SDK1: variants seen among roughly 807,000 people sequenced by gnomAD.
SDK1 encodes the protein sidekick cell adhesion molecule 1.
SDK1 carries 157 observed loss-of-function variants against 245.5 expected under a neutral mutation model. That is an observed-to-expected ratio of 0.64 (90% CI 0.56 to 0.73). The LOEUF is 0.73. Among genes scored for constraint, SDK1 ranks in the 30% least tolerant of loss-of-function variants. The pLI is 0.00. For missense variants in SDK1, 3,583 were observed against 3,002.3 expected (o/e 1.19, Z -4.52); for synonymous variants, 1,647 against 1,278.5 (o/e 1.29, Z -6.15).
chr7:3,670,225 CATTAGTAT>C (rs1179519021), intron 4 of SDK1, among the ~76,000 whole-genome samples: 2 of 152,128 alleles, frequency 1.3e-5, no homozygotes, highest in African/African-American at 4.8e-5. Flanking sequence ...CCTTCAAATC[CATTAGTAT>C]ATTAGTCTGA....
chr7:3,396,194 A>G (rs1372040556), intron 1 of SDK1, among the ~76,000 whole-genome samples: 1 of 151,792 alleles, frequency 6.6e-6, no homozygotes, highest in Non-Finnish European at 1.5e-5. Flanking sequence ...TCCCCCTTGT[A>G]ATTTTAAAAA....
At chr7:4,142,214 T>C (rs1779624762) in intron 28 of SDK1, among the ~76,000 whole-genome samples, 1 of 152,218 alleles carries the variant, frequency 6.6e-6, no homozygotes, top group African/African-American at 2.4e-5. Context: ...TTTTGCTGCC[T>C]TAGCGAAAGA....
chr7:3,403,859 ATATATAT>A (rs1778972871), intron 1 of SDK1, among the ~76,000 whole-genome samples: 2 of 104,136 alleles, frequency 1.9e-5, no homozygotes, highest in Non-Finnish European at 3.7e-5. Flanking sequence ...ATATATATAT[ATATATAT>A]ATAATATATA....
chr7:4,034,483 T>C (rs1469541188), intron 17 of SDK1, among the ~76,000 whole-genome samples: 1 of 152,216 alleles, frequency 6.6e-6, no homozygotes, highest in Non-Finnish European at 1.5e-5. Context: ...CAGTTTTTAA[T>C]GTCTTTATAC....
chr7:3,527,348 C>T (rs535079361), intron 1 of SDK1, among the ~76,000 whole-genome samples: 17 of 152,146 alleles, frequency 1.1e-4, no homozygotes, highest in African/African-American at 3.1e-4. Flanking sequence ...GAACACGAAG[C>T]GCGATGTGAA....
chr7:4,100,368 C>T (rs1018618795), intron 22 of SDK1, among the ~76,000 whole-genome samples: 4 of 152,126 alleles, frequency 2.6e-5, no homozygotes, highest in Admixed American at 6.5e-5. Flanking sequence ...AGCGGGAAGG[C>T]TGTTTCGGGG....
Position 4,051,718 on chromosome 7 carries a change from A to G in SDK1, c.2799A>G (p.Gly933=), listed in dbSNP as rs1562732239. The G allele has an allele frequency of 6.2e-7, 1 of 1,613,964 alleles. No homozygotes were observed. The highest frequency in any genetic ancestry group is 1.7e-4 in the Middle Eastern group (1 of 6,060). The change falls in exon 19 of 45, where the codon GGA becomes GGG. Residue 933 remains glycine (G), a synonymous_variant. Transcript: ENST00000404826. ...CAGATTTCCACGGAGTCCACCATGG[A>G]CACATAACGAACCTGAAGAAGTTTA... The part of the protein sequence containing the change: ...IAPDFHGVHH[G]HITNLKKFTA...
chr7:4,227,058 A>G (rs1189020032), intron 40 of SDK1: 1 of 221,028 alleles, frequency 4.5e-6, no homozygotes, highest in Non-Finnish European at 9.0e-6. Flanking sequence ...GTCCACTCGT[A>G]GTCCCCTGGG....
chr7:4,174,240 C>G lies in SDK1; in HGVS notation c.4819C>G (p.Leu1607Val), dbSNP rs757095801. 27 of 1,613,992 alleles carry G rather than the reference C, an allele frequency of 1.7e-5. No individual in the cohort carries two copies. In the Admixed American group the frequency reaches 2.0e-4, roughly 12 times the overall value. ...TTTGCAGCCTCCGAGGGACGAAAGC[C>G]TGAATGGCCTTCTTCAGGGATACAG... ...IQWQPPRDES[L>V]NGLLQGYRIY... Residue 1607 changes from leucine to valine, a missense_variant, in exon 33 of 45, where the codon CTG (leucine) becomes GTG (valine). Coordinates refer to ENST00000404826, the MANE Select transcript of SDK1 (RefSeq NM_152744.4).
intron 1 of SDK1, among the ~76,000 whole-genome samples, chr7:3,598,783 G>A (rs1407008509): frequency 6.6e-6 from 1 of 152,170 alleles, no homozygotes; most frequent in African/African-American, 2.4e-5. Context: ...GTTACTGCAG[G>A]TATCAATAGT....
At chr7:3,503,898 T>C (rs990889237) in intron 1 of SDK1, among the ~76,000 whole-genome samples, 6 of 152,062 alleles carry the variant, frequency 3.9e-5, no homozygotes, top group African/African-American at 1.4e-4. Context: ...ATGCCCGTAA[T>C]CCTAGCACTT....
chr7:3,336,074 A>T (rs1156687121), intron 1 of SDK1, among the ~76,000 whole-genome samples: 1 of 151,974 alleles, frequency 6.6e-6, no homozygotes, highest in Admixed American at 6.6e-5. Context: ...AGACAGCAAA[A>T]CTCTGAGAAG....
chr7:3,908,278 T>C (rs1779030987), intron 5 of SDK1, among the ~76,000 whole-genome samples: 2 of 152,274 alleles, frequency 1.3e-5, no homozygotes, highest in African/African-American at 4.8e-5. Context: ...AGTTCTGTCA[T>C]GGGATGGAAA....
intron 4 of SDK1, among the ~76,000 whole-genome samples, chr7:3,796,413 C>G (rs917101693): frequency 6.6e-6 from 1 of 152,202 alleles, no homozygotes; most frequent in Admixed American, 6.5e-5. Flanking sequence ...GAAGCTGTTT[C>G]GCTGTTGCTT....
intron 4 of SDK1, among the ~76,000 whole-genome samples, chr7:3,769,978 C>T (rs1340318068): frequency 6.7e-6 from 1 of 149,338 alleles, no homozygotes; most frequent in Admixed American, 6.7e-5. Context: ...GTATTTACGG[C>T]TATGTAATTT....
chr7:3,613,081 A>C (rs935627495), intron 1 of SDK1, among the ~76,000 whole-genome samples: 7 of 152,238 alleles, frequency 4.6e-5, no homozygotes, highest in African/African-American at 1.2e-4. Flanking sequence ...TTGCAGTTCA[A>C]CTTGCTTGAT....
chr7:3,751,085 C>A (rs531071110), intron 4 of SDK1, among the ~76,000 whole-genome samples: 1 of 152,310 alleles, frequency 6.6e-6, no homozygotes, highest in East Asian at 1.9e-4. Context: ...CAAAGGAAGG[C>A]TGGGGACCTT....
chr7:3,836,549 C>A (rs1463702324), intron 5 of SDK1, among the ~76,000 whole-genome samples: 1 of 152,142 alleles, frequency 6.6e-6, no homozygotes, highest in Non-Finnish European at 1.5e-5. Context: ...CAAACAAGCA[C>A]TTTCAATATG....
At chr7:3,484,949 G>A (rs1781637278) in intron 1 of SDK1, among the ~76,000 whole-genome samples, 1 of 152,190 alleles carries the variant, frequency 6.6e-6, no homozygotes, top group African/African-American at 2.4e-5. Flanking sequence ...TGTGAATGGA[G>A]CTGTAGTAAA....
Sources: allele counts gnomAD v4.1 joint callset (sites outside exome capture counted in the v4.1 genomes callset), GRCh38; gene constraint gnomAD v4.1.1; transcripts MANE v1.5; gene names NCBI Gene and HGNC (gene_info 2026-07-23, HGNC 2026-07-21).